The following CORO2B variants were observed in gnomAD, a reference collection of about 807,000 sequenced individuals.
CORO2B encodes coronin 2B, also known as coronin-2B.
A neutral mutation model predicts 58.8 loss-of-function variants in CORO2B; 26 were observed. The observed-to-expected ratio is 0.44, with a 90% CI of 0.32 to 0.61. CORO2B has a LOEUF of 0.61. Ranked by LOEUF, CORO2B falls within the 20% of genes least tolerant of loss-of-function variation. The probability of loss-of-function intolerance (pLI) is 0.04; values close to 1 mark genes in which losing one functional copy is unlikely to be tolerated. For missense variants in CORO2B, 460 were observed against 645.1 expected (o/e 0.71, Z 3.11); for synonymous variants, 242 against 253.8 (o/e 0.95, Z 0.44).
the CORO2B span, among the ~76,000 whole-genome samples, chr15:68,571,079 G>A: frequency 6.6e-6 from 1 of 152,194 alleles, no homozygotes; most frequent in Non-Finnish European, 1.5e-5. Context: ...CATGCCCCAG[G>A]CTGTGGAAGA....
At chr15:68,537,607 C>G in the CORO2B span, among the ~76,000 whole-genome samples, 1 of 152,044 alleles carries the variant, frequency 6.6e-6, no homozygotes, top group Non-Finnish European at 1.5e-5. Flanking sequence ...GGTATTAAGC[C>G]CAGCATGCGT....
At chr15:68,601,464 A>G (rs1236761934) in intron 1 of CORO2B, among the ~76,000 whole-genome samples, 1 of 152,210 alleles carries the variant, frequency 6.6e-6, no homozygotes, top group Non-Finnish European at 1.5e-5. Flanking sequence ...CACGGAGCTT[A>G]CAGTCAAGAG....
At chr15:68,646,963 C>A (rs1247232477) in intron 2 of CORO2B, among the ~76,000 whole-genome samples, 1 of 152,206 alleles carries the variant, frequency 6.6e-6, no homozygotes, top group Non-Finnish European at 1.5e-5. Context: ...TCCATCCAGG[C>A]CTGCAGGTCC....
intron 2 of CORO2B, among the ~76,000 whole-genome samples, chr15:68,653,947 T>C (rs1901723495): frequency 6.6e-6 from 1 of 152,062 alleles, no homozygotes; most frequent in Non-Finnish European, 1.5e-5. Context: ...CTTTTCCAAA[T>C]CCATTTTTCA....
chr15:68,717,325 A>G (rs1893055330), intron 8 of CORO2B, among the ~76,000 whole-genome samples: 1 of 152,074 alleles, frequency 6.6e-6, no homozygotes, highest in South Asian at 2.1e-4. Context: ...AAAAAAAAAA[A>G]AGATTTCTCT....
chr15:68,677,864 T>A (rs751060072), intron 2 of CORO2B, among the ~76,000 whole-genome samples: 2 of 152,144 alleles, frequency 1.3e-5, no homozygotes, highest in African/African-American at 4.8e-5. Context: ...CTCTACTGTG[T>A]CAAGAACAGG....
intron 1 of CORO2B, among the ~76,000 whole-genome samples, chr15:68,596,249 G>T (rs1432157938): frequency 6.6e-6 from 1 of 151,708 alleles, no homozygotes; most frequent in Non-Finnish European, 1.5e-5. Flanking sequence ...AATAAAACAG[G>T]AACAGTCCCT....
intron 3 of CORO2B, among the ~76,000 whole-genome samples, chr15:68,706,765 A>G (rs1039190473): frequency 6.6e-6 from 1 of 152,034 alleles, no homozygotes; most frequent in Non-Finnish European, 1.5e-5. Flanking sequence ...ACTAAAGTGT[A>G]GTGGTGTGAT....
At chr15:68,547,969 G>A in the CORO2B span, among the ~76,000 whole-genome samples, 4 of 151,880 alleles carry the variant, frequency 2.6e-5, no homozygotes, top group African/African-American at 9.7e-5. Flanking sequence ...TCAGGAGTTC[G>A]AGACCAACCT....
intron 1 of CORO2B, among the ~76,000 whole-genome samples, chr15:68,620,138 T>C (rs1566987186): frequency 6.6e-6 from 1 of 152,098 alleles, no homozygotes; most frequent in Admixed American, 6.5e-5. Flanking sequence ...TCTCGAACTC[T>C]TGACCTCAGA....
chr15:68,682,674 C>T (rs1461128007), intron 2 of CORO2B, among the ~76,000 whole-genome samples: 2 of 152,116 alleles, frequency 1.3e-5, no homozygotes, highest in Admixed American at 6.5e-5. Flanking sequence ...ATTATCCCTG[C>T]CCCCCAAAAA....
intron 11 of CORO2B, among the ~76,000 whole-genome samples, chr15:68,723,116 C>CTT (rs767517372): frequency 1.3e-4 from 12 of 91,474 alleles, no homozygotes; most frequent in African/African-American, 3.1e-4. Context: ...TACATACATT[C>CTT]TTTTTTTTTT....
chr15:68,598,345 G>T (rs565381814), intron 1 of CORO2B, among the ~76,000 whole-genome samples: 1 of 152,228 alleles, frequency 6.6e-6, no homozygotes, highest in East Asian at 1.9e-4. Flanking sequence ...GCACGTAAGC[G>T]TGTGCTTTGG....
chr15:68,579,501 A>G (rs1899369848), intron 1 of CORO2B, among the ~76,000 whole-genome samples: 1 of 151,618 alleles, frequency 6.6e-6, no homozygotes, highest in African/African-American at 2.4e-5. Flanking sequence ...GGTTTGGCCA[A>G]CATCCCTCCG....
the CORO2B span, among the ~76,000 whole-genome samples, chr15:68,568,305 C>T: frequency 6.8e-6 from 1 of 147,470 alleles, no homozygotes; most frequent in African/African-American, 2.5e-5. Flanking sequence ...ATTTTCTCAT[C>T]TGTAAAGTCG....
At chr15:68,530,624 T>C in the CORO2B span, among the ~76,000 whole-genome samples, 5 of 152,190 alleles carry the variant, frequency 3.3e-5, no homozygotes, top group Non-Finnish European at 7.3e-5. Context: ...TTTCTTCATC[T>C]CTCTTGAAGT....
chr15:68,633,909 G>A (rs552875495), intron 1 of CORO2B, among the ~76,000 whole-genome samples: 135 of 152,294 alleles, frequency 8.9e-4, no homozygotes, highest in Non-Finnish European at 1.6e-3. Context: ...TTTCTGCATT[G>A]CCAGGTGACA....
At chr15:68,566,687 A>T in the CORO2B span, among the ~76,000 whole-genome samples, 3 of 152,112 alleles carry the variant, frequency 2.0e-5, no homozygotes, top group Admixed American at 2.0e-4. Context: ...CATGAGCCTG[A>T]CTTCCCTTCC....
chr15:68,672,257 A>G (rs8030333), intron 2 of CORO2B, among the ~76,000 whole-genome samples: 18,689 of 151,398 alleles, frequency 0.12, 2,220 homozygotes, highest in African/African-American at 0.31. Context: ...ATTTTTTGAG[A>G]CAGAATCTCA....
Sources: gnomAD v4.1 joint callset for allele counts (sites outside exome capture counted in the v4.1 genomes callset) on GRCh38, gnomAD v4.1.1 for gene constraint, MANE v1.5 for transcripts, NCBI Gene and HGNC (gene_info 2026-07-23, HGNC 2026-07-21) for gene names.